The following DOCK10 variants were observed in gnomAD, a reference collection of about 807,000 sequenced individuals.
The protein encoded by DOCK10 is dedicator of cytokinesis 10.
Under a neutral mutation model 280.1 loss-of-function variants are expected in DOCK10, and 145 were observed. The ratio of observed to expected loss-of-function variants is 0.52; its 90% CI spans 0.45 to 0.59. The LOEUF (loss-of-function observed/expected upper bound fraction) is 0.59. Among genes scored for constraint, DOCK10 ranks in the 20% least tolerant of loss-of-function variants. DOCK10 has a pLI of 0.00. For synonymous variants in DOCK10, 915 were observed against 942.2 expected (o/e 0.97, Z 0.53); for missense variants, 2,368 against 2,651.7 (o/e 0.89, Z 2.35).
chr2:224,834,218 C>T lies in DOCK10; in HGVS notation c.2896G>A (p.Glu966Lys). The change falls in exon 26 of 56, where the codon GAA becomes AAA. Residue 966 changes from glutamate (E) to lysine (K), a missense_variant. Transcript: ENST00000258390. ...RACKERTVHE[E>K]LAKNVTGLLK... ...AGACCAGTCACATTTTTAGCCAGTT[C>T]CTCATGTACAGTCCTCTCCTTGCAT... The T allele has an allele frequency of 1.2e-6, 2 of 1,613,598 alleles. No homozygotes were observed. Among genetic ancestry groups the T allele is most frequent in the South Asian group, 2.2e-5 (2 of 91,080 alleles).
At chr2:225,000,150 A>G (rs1706388701) in intron 1 of DOCK10, among the ~76,000 whole-genome samples, 1 of 152,108 alleles carries the variant, frequency 6.6e-6, no homozygotes, top group Non-Finnish European at 1.5e-5. Flanking sequence ...CACAAAGGCT[A>G]TGTTCTATCA....
chr2:224,818,886 A>G (rs1694325199), intron 29 of DOCK10, among the ~76,000 whole-genome samples: 1 of 152,146 alleles, frequency 6.6e-6, no homozygotes, highest in Non-Finnish European at 1.5e-5. Flanking sequence ...CCTCCAGCAT[A>G]TGCCATAACC....
In DOCK10 at chr2:224,786,158, C is replaced by T. The variant is rs1200354016; in HGVS notation, c.5655+864G>A. Among the ~76,000 whole-genome samples, 4 of 152,258 alleles carry T rather than the reference C, an allele frequency of 2.6e-5. No individual in the cohort carries two copies. Among genetic ancestry groups the T allele is most frequent in the Admixed American group, 1.3e-4 (2 of 15,292 alleles). ...CGGAGGTTGCAGTGAGCCGAGATCA[C>T]GCCACTGCACTGCACTCCAGCCTGG... On this transcript the variant is annotated intron_variant, in intron 50 of 55. Transcript: ENST00000258390. The surrounding 1 kb of genome is among the most constrained non-coding windows in gnomAD (Gnocchi z 4.7).
intron 1 of DOCK10, among the ~76,000 whole-genome samples, chr2:225,000,234 A>G (rs905298488): frequency 6.6e-6 from 1 of 151,712 alleles, no homozygotes; most frequent in Admixed American, 6.6e-5. Flanking sequence ...AGACACACAC[A>G]CACACACACA....
chr2:225,015,348 G>A (rs1318137529), intron 1 of DOCK10, among the ~76,000 whole-genome samples: 1 of 152,174 alleles, frequency 6.6e-6, no homozygotes, highest in Non-Finnish European at 1.5e-5. Flanking sequence ...TTCTAAGATG[G>A]CAGGATTTTA....
At chr2:225,035,542 T>TTATATATATATATA (rs57424275) in intron 1 of DOCK10, among the ~76,000 whole-genome samples, 4 of 50,014 alleles carry the variant, frequency 8.0e-5, no homozygotes, top group Non-Finnish European at 1.5e-4. Context: ...ATGATATATA[T>TTATATATATATATA]TATATATATA....
rs544647349 is a variant in DOCK10, at chr2:224,907,106, G to A, written c.333+9589C>T. Among the ~76,000 whole-genome samples the A allele has an allele frequency of 8.7e-4, 133 of 152,114 alleles. 6 individuals carry two copies. The highest frequency in any genetic ancestry group is 5.0e-4 in the Non-Finnish European group (34 of 68,028). ...CAATTAGCAGAGTCTTATATACCTCGTTTATGCCACCGGATTCACAGTTGC... is the reference window on the plus strand; with the variant it reads ...CAATTAGCAGAGTCTTATATACCTCATTTATGCCACCGGATTCACAGTTGC... On this transcript the variant is annotated intron_variant, in intron 3 of 55. Coordinates refer to ENST00000258390, the MANE Select transcript of DOCK10 (RefSeq NM_014689.3).
At chr2:224,845,675 T>C in intron 19 of DOCK10, 33 bp from the exon 20 acceptor site, 1 of 1,586,856 alleles carries the variant, frequency 6.3e-7, no homozygotes, top group Non-Finnish European at 8.6e-7. Context: ...TGGACTGAGA[T>C]TAAAATCATT....
chr2:225,003,307 G>C (rs1706488374), intron 1 of DOCK10, among the ~76,000 whole-genome samples: 1 of 152,210 alleles, frequency 6.6e-6, no homozygotes, highest in Non-Finnish European at 1.5e-5. Flanking sequence ...GCTTCTCAAA[G>C]TGCTGGGATT....
At position 225,023,181 on chromosome 2, in the gene DOCK10, G is replaced by A. The variant is rs529743024; in HGVS notation, c.123+19071C>T. Among the ~76,000 whole-genome samples the A allele has an allele frequency of 4.6e-5, 7 of 152,038 alleles. No individual in the cohort carries two copies. In the East Asian group the frequency reaches 5.8e-4, roughly 13 times the overall value. ...CTCCCGAGTAGCTGGAATTACAGGC[G>A]CCCACCACCACGCCTGGCTGATTTT... On this transcript the variant is annotated intron_variant, in intron 1 of 55. Coordinates refer to ENST00000258390, the MANE Select transcript of DOCK10 (RefSeq NM_014689.3).
chr2:225,035,568 ATATATATATATATATATAT>A (rs1690222686), intron 1 of DOCK10, among the ~76,000 whole-genome samples: 5 of 57,076 alleles, frequency 8.8e-5, no homozygotes, highest in African/African-American at 2.3e-4. Context: ...ATATATATAT[ATATATATATATATATATAT>A]AACACTGAAT....
chr2:224,831,281 G>T (rs1208289963), intron 26 of DOCK10, among the ~76,000 whole-genome samples: 3 of 152,116 alleles, frequency 2.0e-5, no homozygotes, highest in Admixed American at 1.3e-4. Flanking sequence ...AATTTCAAAG[G>T]TTAGAGGTAA....
chr2:224,987,896 A>G (rs932291083), intron 1 of DOCK10, among the ~76,000 whole-genome samples: 9 of 152,184 alleles, frequency 5.9e-5, no homozygotes, highest in African/African-American at 1.9e-4. Context: ...AGCACAGTAG[A>G]AAAGCTCACA....
chr2:224,946,727 T>G (rs1317246916), intron 1 of DOCK10: 1 of 626,994 alleles, frequency 1.6e-6, no homozygotes, highest in African/African-American at 1.9e-5. Flanking sequence ...TGGAATCTTC[T>G]GTTCCATATA....
At chr2:224,778,411 C>T in intron 50 of DOCK10, 127 bp from the exon 51 acceptor site, 1 of 885,236 alleles carries the variant, frequency 1.1e-6, no homozygotes, top group Non-Finnish European at 1.8e-6. Context: ...TTGGTTAACA[C>T]CCTATAAAAT....
At chr2:224,798,215 C>A (rs1402137966) in intron 41 of DOCK10, among the ~76,000 whole-genome samples, 1 of 152,124 alleles carries the variant, frequency 6.6e-6, no homozygotes, top group Non-Finnish European at 1.5e-5. Context: ...GGTAGGATTA[C>A]TTCCATAGGG....
In DOCK10 at chr2:224,770,131, C is replaced by A. The variant is rs1574781308; in HGVS notation, c.6444+80G>T. On this transcript the variant is annotated intron_variant, in intron 55 of 55. Coordinates refer to ENST00000258390, the MANE Select transcript of DOCK10 (RefSeq NM_014689.3). The surrounding 1 kb of genome is among the most constrained non-coding windows in gnomAD (Gnocchi z 4.5). ...GTGATTTCTGCAGCAAGAAAAGGGC[C>A]TCTTTCCTGTCCTTCTGGCATTGGG... The A allele has an allele frequency of 4.3e-6, 6 of 1,395,282 alleles. No individual in the cohort carries two copies. The East Asian group carries it at 1.5e-4, about 36-fold the overall frequency. The allele number at this position is 1,395,282 out of a possible 1,614,324, so 86.4% of individuals were successfully genotyped here. A position where few individuals can be genotyped will look rare whatever the true frequency, so the allele number is the denominator to read the frequency against.
At chr2:224,812,508 A>C (rs925203770) in intron 31 of DOCK10, among the ~76,000 whole-genome samples, 2 of 152,166 alleles carry the variant, frequency 1.3e-5, no homozygotes, top group African/African-American at 4.8e-5. Flanking sequence ...CCCTGGCCAG[A>C]ACTTCCAGCA....
intron 3 of DOCK10, among the ~76,000 whole-genome samples, chr2:224,905,716 T>C (rs1031470574): frequency 4.6e-5 from 7 of 152,192 alleles, no homozygotes; most frequent in African/African-American, 1.7e-4. Context: ...TTTTATGCCA[T>C]TGATGCACTT....
Sources: allele counts gnomAD v4.1 joint callset (sites outside exome capture counted in the v4.1 genomes callset), GRCh38; gene constraint gnomAD v4.1.1; non-coding constraint Gnocchi (gnomAD v3.1); transcripts MANE v1.5; gene names NCBI Gene and HGNC (gene_info 2026-07-23, HGNC 2026-07-21).